The following SOX10 variants were observed in gnomAD, a reference collection of about 807,000 sequenced individuals.
SOX10 encodes SRY-box transcription factor 10.
Under a neutral mutation model 35.0 loss-of-function variants are expected in SOX10, and 3 were observed. The observed-to-expected ratio is 0.09, with a 90% CI of 0.04 to 0.22. The LOEUF (loss-of-function observed/expected upper bound fraction) is 0.22. SOX10 is among the 10% of genes least tolerant of loss of function. The pLI, the probability that SOX10 is intolerant of heterozygous loss-of-function variation, is 1.00. For missense variants in SOX10, 436 were observed against 655.1 expected (o/e 0.67, Z 3.65); for synonymous variants, 285 against 291.0 (o/e 0.98, Z 0.21).
rs972829668 is a variant in SOX10, at chr22:37,973,432, A to AG, written c.*62dup. On this transcript the variant is annotated 3_prime_UTR_variant, in exon 4 of 4. Transcript: ENST00000396884. Reference sequence around the variant, plus strand: ...GCCACCACCAGGCCTGAGGTGGGCAAGGAACAGGGCACACAGGCTGGGGGC... The same window carrying AG: ...GCCACCACCAGGCCTGAGGTGGGCAAGGGAACAGGGCACACAGGCTGGGGGC... The AG allele has an allele frequency of 6.3e-6, 7 of 1,115,890 alleles. No homozygotes were observed. The highest frequency in any genetic ancestry group is 7.6e-6 in the Non-Finnish European group (6 of 786,896). 69.1% of individuals were successfully genotyped at this position (1,115,890 alleles called of 1,614,324 possible).
Position 37,983,842 on chromosome 22 carries a change from G to A in SOX10, c.-58C>T. 2 of 1,329,722 alleles carry A rather than the reference G, an allele frequency of 1.5e-6. No homozygotes were observed. The highest frequency in any genetic ancestry group is 3.1e-5 in the South Asian group (2 of 64,082). 82.4% of individuals were successfully genotyped at this position (1,329,722 alleles called of 1,614,324 possible). Reference sequence around the variant, plus strand: ...CCGCCTCCCCCGGGCCAGCCGCCGGGGTCCTCGCAAAGAGTCCAACGCCCA... The same window carrying A: ...CCGCCTCCCCCGGGCCAGCCGCCGGAGTCCTCGCAAAGAGTCCAACGCCCA... On this transcript the variant is annotated 5_prime_UTR_variant, in exon 2 of 4. Transcript: ENST00000396884. This position sits in a 1 kb window ranked among gnomAD's most constrained non-coding sequence, Gnocchi z 9.5.
At chr22:37,975,916 TTC>T (rs200054552) in intron 3 of SOX10, among the ~76,000 whole-genome samples, 2,282 of 152,050 alleles carry the variant, frequency 0.015, 55 homozygotes, top group African/African-American at 0.052. Context: ...GTGCACTTGT[TTC>T]TCTCTCTATA....
In SOX10 at chr22:37,983,991, C is replaced by T. The variant is rs1325845300; in HGVS notation, c.-84-123G>A. 2.7e-5 allele frequency: 9 copies of T among 339,228 alleles called. 1 individual carries two copies. In the East Asian group the frequency reaches 3.5e-4, roughly 13 times the overall value. The allele number at this position is 339,228 out of a possible 1,614,324, so 21.0% of individuals were successfully genotyped here. A position where few individuals can be genotyped will look rare whatever the true frequency, so the allele number is the denominator to read the frequency against. ...TGCTCCAGCTAAACCCATCTGGCCC[C>T]TGGGGCCCACGCACATGCCAGACTC... is the stretch of plus-strand genomic sequence containing the variant. On this transcript the variant is annotated intron_variant, in intron 1 of 3. Transcript: ENST00000396884. This position sits in a 1 kb window ranked among gnomAD's most constrained non-coding sequence, Gnocchi z 9.5.
At chr22:37,976,133 G>A (rs6000968) in intron 3 of SOX10, among the ~76,000 whole-genome samples, 6 of 152,290 alleles carry the variant, frequency 3.9e-5, no homozygotes, top group African/African-American at 1.4e-4. Context: ...TGAGGCACAA[G>A]AATCGCTTAA....
chr22:37,975,522 C>T (rs142542611), intron 3 of SOX10, among the ~76,000 whole-genome samples: 134 of 152,166 alleles, frequency 8.8e-4, no homozygotes, highest in Non-Finnish European at 1.2e-3. Context: ...AGTATGTACA[C>T]GTGTGTGGGA....
chr22:37,974,105 C>T lies in SOX10; in HGVS notation c.791G>A (p.Gly264Glu). The T allele has an allele frequency of 1.2e-6, 2 of 1,613,716 alleles. No homozygotes were observed. Among genetic ancestry groups the T allele is most frequent in the Non-Finnish European group, 1.7e-6 (2 of 1,180,022 alleles). The change falls in exon 4 of 4, where the codon GGG (glycine) becomes GAG (glutamate). Residue 264 changes from glycine (G) to glutamate (E), a missense_variant. Around this residue, in one of 3 missense-constraint regions of SOX10, gnomAD observed 285 missense variants for 402.9 expected, o/e 0.71. Transcript: ENST00000396884. The surrounding 1 kb of genome is among the most constrained non-coding windows in gnomAD (Gnocchi z 5.4). ...GTCGATGTGAGGCTTCCCGCCCTCC[C>T]CCATGGAGCGCCCGTCCCGCTTCGG... is the stretch of plus-strand genomic sequence containing the variant. Reference protein sequence around the residue: ...ADPKRDGRSMGEGGKPHIDFG... With the variant: ...ADPKRDGRSMEEGGKPHIDFG...
intron 2 of SOX10, among the ~76,000 whole-genome samples, chr22:37,982,265 T>C (rs537124958): frequency 6.6e-6 from 1 of 152,290 alleles, no homozygotes; most frequent in African/African-American, 2.4e-5. Flanking sequence ...CCAACTTCTA[T>C]GTGACCTTTG....
intron 3 of SOX10, among the ~76,000 whole-genome samples, chr22:37,976,220 C>G (rs1932215242): frequency 6.6e-6 from 1 of 152,164 alleles, no homozygotes; most frequent in African/African-American, 2.4e-5. Flanking sequence ...AAGACTCCAT[C>G]TCAAACAAAA....
At position 37,974,644 on chromosome 22, in the gene SOX10, C is replaced by T. The variant is rs971183225; in HGVS notation, c.698-446G>A. 3.3e-5 allele frequency among the ~76,000 whole-genome samples: 5 copies of T among 152,184 alleles called. No individual in the cohort carries two copies. Among genetic ancestry groups the T allele is most frequent in the Non-Finnish European group, 4.4e-5 (3 of 68,036 alleles). On this transcript the variant is annotated intron_variant, in intron 3 of 3. Transcript: ENST00000396884. The surrounding 1 kb of genome is among the most constrained non-coding windows in gnomAD (Gnocchi z 5.4). ...CTGGGATTACCATCATGAGCCACTG[C>T]GCCCCACAGCATTTGTTTAAATACT...
Position 37,973,213 on chromosome 22 carries a change from A to T in SOX10, c.*282T>A. 2.5e-6 allele frequency: 1 copy of T among 405,196 alleles called. No individual in the cohort carries two copies. The highest frequency in any genetic ancestry group is 4.4e-6 in the Non-Finnish European group (1 of 226,204). The allele number at this position is 405,196 out of a possible 1,614,324, so 25.1% of individuals were successfully genotyped here. ...TTCTCAGGTCCTGGGATAGAGGGTC[A>T]TTCCTGGGGGAAGGTGCAGCCCCTC... On this transcript the variant is annotated 3_prime_UTR_variant, in exon 4 of 4. Transcript: ENST00000396884.
At chr22:37,982,159 C>T (rs934832794) in intron 2 of SOX10, among the ~76,000 whole-genome samples, 1 of 152,194 alleles carries the variant, frequency 6.6e-6, no homozygotes, top group Admixed American at 6.5e-5. Context: ...CTGACCACTC[C>T]TCAAAGTGTA....
rs1932377126 is a variant in SOX10 at position 37,980,926 on chromosome 22, G to A, written c.428+2431C>T. ...GAGGCTGGGTGACCCCCACCACACA[G>A]GAGGGACTCTTGCCTGTGTCCGCCT... On this transcript the variant is annotated intron_variant, in intron 2 of 3. Transcript: ENST00000396884. The surrounding 1 kb of genome is among the most constrained non-coding windows in gnomAD (Gnocchi z 4.1). 6.6e-6 allele frequency among the ~76,000 whole-genome samples: 1 copy of A among 152,220 alleles called. No homozygotes were observed. The highest frequency in any genetic ancestry group is 2.4e-5 in the African/African-American group (1 of 41,460).
rs917402932 is a variant in SOX10, at chr22:37,972,540, G to A, written c.*955C>T. 1 of 267,530 alleles carries A rather than the reference G, an allele frequency of 3.7e-6. No individual in the cohort carries two copies. Among genetic ancestry groups the A allele is most frequent in the East Asian group, 1.1e-4 (1 of 9,506 alleles). The allele number at this position is 267,530 out of a possible 1,614,324, so 16.6% of individuals were successfully genotyped here. On this transcript the variant is annotated 3_prime_UTR_variant, in exon 4 of 4. Coordinates refer to ENST00000396884, the MANE Select transcript of SOX10 (RefSeq NM_006941.4). ...AGGCAAGGGCAGAATGTACAGGTCA[G>A]GATTCTAGTGTCTTCAGCCTGCCGA...
Position 37,980,961 on chromosome 22 carries a change from C to A in SOX10, c.428+2396G>T, listed in dbSNP as rs1316380376. ...TTGCCTGTGTCCGCCTTTCCAGTTT[C>A]TTGGCTCTGGTTCTTTCCAGGCAGA... On this transcript the variant is annotated intron_variant, in intron 2 of 3. Transcript: ENST00000396884. This position sits in a 1 kb window ranked among gnomAD's most constrained non-coding sequence, Gnocchi z 4.1. 6.6e-6 allele frequency among the ~76,000 whole-genome samples: 1 copy of A among 152,218 alleles called. No individual in the cohort carries two copies. The highest frequency in any genetic ancestry group is 1.5e-5 in the Non-Finnish European group (1 of 68,040).
chr22:37,977,937 G>T lies in SOX10; in HGVS notation c.627C>A (p.Ser209Arg). The change falls in exon 3 of 4, where the codon AGC becomes AGA. Residue 209 changes from serine to arginine, a missense_variant. Transcript: ENST00000396884. The stretch of plus-strand genomic sequence containing the variant: ...CTGGGTGCCGGTGGTCCAAGTGGGC[G>T]CTCTTGTAGTGGGCCTGGATGGCGG... ...GTAAIQAHYK[S>R]AHLDHRHPGE... The T allele has an allele frequency of 6.2e-7, 1 of 1,612,784 alleles. No homozygotes were observed. The highest frequency in any genetic ancestry group is 1.1e-5 in the South Asian group (1 of 91,064).
chr22:37,972,869 CA>C lies in SOX10; in HGVS notation c.*625del, dbSNP rs1415822089. The C allele has an allele frequency of 6.5e-6, 1 of 153,328 alleles. No homozygotes were observed. The highest frequency in any genetic ancestry group is 1.5e-5 in the Non-Finnish European group (1 of 68,840). The allele number at this position is 153,328 out of a possible 1,614,324, so 9.5% of individuals were successfully genotyped here. A position where few individuals can be genotyped will look rare whatever the true frequency, so the allele number is the denominator to read the frequency against. Reference sequence around the variant, plus strand: ...TGAGGTTATTGGCACAGAATTGGATCAGGGGGCCTCTGTGCCAACTCCTTCC... The same window carrying C: ...TGAGGTTATTGGCACAGAATTGGATCGGGGGCCTCTGTGCCAACTCCTTCC... On this transcript the variant is annotated 3_prime_UTR_variant, in exon 4 of 4. Coordinates refer to ENST00000396884, the MANE Select transcript of SOX10 (RefSeq NM_006941.4).
At chr22:37,977,598 G>C (rs112010135) in intron 3 of SOX10, among the ~76,000 whole-genome samples, 1 of 152,056 alleles carries the variant, frequency 6.6e-6, no homozygotes, top group African/African-American at 2.4e-5. Flanking sequence ...GGGATTACAG[G>C]TGTGAGCCAC....
Position 37,983,828 on chromosome 22 carries a change from G to A in SOX10, c.-44C>T. 1.5e-6 allele frequency: 2 copies of A among 1,362,738 alleles called. No individual in the cohort carries two copies. The highest frequency in any genetic ancestry group is 1.9e-6 in the Non-Finnish European group (2 of 1,057,842). The allele number at this position is 1,362,738 out of a possible 1,614,324, so 84.4% of individuals were successfully genotyped here. On this transcript the variant is annotated 5_prime_UTR_variant, in exon 2 of 4. Coordinates refer to ENST00000396884, the MANE Select transcript of SOX10 (RefSeq NM_006941.4). The surrounding 1 kb of genome is among the most constrained non-coding windows in gnomAD (Gnocchi z 9.5). ...CGCCGCCGCCTCGGCCGCCTCCCCC[G>A]GGCCAGCCGCCGGGGTCCTCGCAAA...
intron 3 of SOX10, among the ~76,000 whole-genome samples, chr22:37,975,149 A>G (rs951358605): frequency 3.9e-5 from 6 of 152,148 alleles, no homozygotes; most frequent in Admixed American, 3.3e-4. Flanking sequence ...TAATTTAGCA[A>G]ACTCTTAGGG....
Sources: gnomAD v4.1 joint callset for allele counts (sites outside exome capture counted in the v4.1 genomes callset) on GRCh38, gnomAD v4.1.1 for gene constraint, gnomAD v4.1.1 regional missense constraint, Gnocchi (gnomAD v3.1) non-coding constraint, MANE v1.5 for transcripts, NCBI Gene and HGNC (gene_info 2026-07-23, HGNC 2026-07-21) for gene names.